Variants in PLCG2 observed in about 807,000 individuals in gnomAD.
The protein encoded by PLCG2 is phospholipase C gamma 2, also known as 1-phosphatidylinositol 4,5-bisphosphate phosphodiesterase gamma-2.
A neutral mutation model predicts 175.6 loss-of-function variants in PLCG2; 69 were observed. The observed-to-expected ratio is 0.39, with a 90% CI of 0.32 to 0.48. The LOEUF (loss-of-function observed/expected upper bound fraction) is 0.48, where lower values mean the gene tolerates loss of function less well. PLCG2 is among the 20% of genes least tolerant of loss of function. PLCG2 has a pLI of 0.91. For synonymous variants in PLCG2, 827 were observed against 624.0 expected (o/e 1.33, Z -4.85); for missense variants, 1,798 against 1,650.9 (o/e 1.09, Z -1.54).
intron 2 of PLCG2, among the ~76,000 whole-genome samples, chr16:81,825,299 T>TGTTTTG (rs539294682): frequency 0.01 from 1,486 of 147,488 alleles, 13 homozygotes; most frequent in Non-Finnish European, 0.016. Context: ...TTTTTTTTTT[T>TGTTTTG]TTTTTTTGAG....
intron 2 of PLCG2, among the ~76,000 whole-genome samples, chr16:81,836,903 G>C (rs933673167): frequency 6.6e-6 from 1 of 152,180 alleles, no homozygotes; most frequent in African/African-American, 2.4e-5. Flanking sequence ...CAGGACCCCT[G>C]CTGTGCACAC....
At chr16:81,845,442 T>G (rs1410579002) in intron 2 of PLCG2, among the ~76,000 whole-genome samples, 1 of 152,220 alleles carries the variant, frequency 6.6e-6, no homozygotes, top group Admixed American at 6.5e-5. Flanking sequence ...ATCACTCCTG[T>G]TGTTCACATG....
intron 31 of PLCG2, among the ~76,000 whole-genome samples, chr16:81,953,921 C>A (rs1014482135): frequency 6.6e-6 from 1 of 152,094 alleles, no homozygotes; most frequent in African/African-American, 2.4e-5. Context: ...ATAACAAATA[C>A]CCATTATATA....
At chr16:81,872,811 C>G (rs970569482) in intron 7 of PLCG2, among the ~76,000 whole-genome samples, 1 of 152,230 alleles carries the variant, frequency 6.6e-6, no homozygotes, top group South Asian at 2.1e-4. Context: ...GTCTTCTCCT[C>G]TGTGCAATGG....
In PLCG2 at chr16:81,849,791, A is replaced by C. The variant is rs375002722; in HGVS notation, c.194-4653A>C. On this transcript the variant is annotated intron_variant, in intron 2 of 32. Transcript: ENST00000564138. The stretch of plus-strand genomic sequence containing the variant: ...TGTCTCAAAAAAAAAAAAAAAAAAA[A>C]AAAAAACCAAAAAAATTCCCTCTTG... 5.7e-3 allele frequency among the ~76,000 whole-genome samples: 831 copies of C among 145,534 alleles called. 9 individuals carry two copies. The highest frequency in any genetic ancestry group is 0.015 in the African/African-American group (585 of 39,662).
intron 2 of PLCG2, among the ~76,000 whole-genome samples, chr16:81,760,755 A>AAAAT (rs202180155): frequency 0.13 from 10,802 of 82,502 alleles, 600 homozygotes; most frequent in Admixed American, 0.25. Flanking sequence ...TATTAAAAAA[A>AAAAT]AAAATAATAA....
In PLCG2 at chr16:81,883,292, C is replaced by T. The variant is rs751540065; in HGVS notation, c.716C>T (p.Ser239Phe). The change falls in exon 9 of 33, where the codon TCT becomes TTT. Residue 239 changes from serine (S) to phenylalanine (F), a missense_variant. Coordinates refer to ENST00000564138, the MANE Select transcript of PLCG2 (RefSeq NM_002661.5). Reference sequence around the variant, plus strand: ...AGGAACACTGACAGGCCGGATGCCTCTGCTGTTTACCTGCATGACTTCCAG... The same window carrying T: ...AGGAACACTGACAGGCCGGATGCCTTTGCTGTTTACCTGCATGACTTCCAG... ...ILGNTDRPDA[S>F]AVYLHDFQRF... 9 of 1,614,062 alleles carry T rather than the reference C, an allele frequency of 5.6e-6. 1 individual carries two copies. The South Asian group carries it at 7.7e-5, about 14-fold the overall frequency.
chr16:81,911,622 T>TAATC (rs1361055183), intron 18 of PLCG2, among the ~76,000 whole-genome samples: 5 of 150,930 alleles, frequency 3.3e-5, no homozygotes, highest in African/African-American at 1.2e-4. Context: ...ATTAATTAAT[T>TAATC]AATTTTGAGA....
chr16:81,849,485 G>A (rs1352002951), intron 2 of PLCG2, among the ~76,000 whole-genome samples: 4 of 152,140 alleles, frequency 2.6e-5, no homozygotes, highest in Admixed American at 6.5e-5. Flanking sequence ...TTGGCTGGGC[G>A]TGGTAGCTTA....
At chr16:81,819,564 G>A (rs964843915) in intron 2 of PLCG2, among the ~76,000 whole-genome samples, 1 of 152,126 alleles carries the variant, frequency 6.6e-6, no homozygotes, top group Non-Finnish European at 1.5e-5. Context: ...CTCTATCCCA[G>A]CTCAGTTATT....
rs1911817438 is a variant in PLCG2, at chr16:81,962,612, A to G, written c.*4614A>G. 2 of 223,378 alleles carry G rather than the reference A, an allele frequency of 9.0e-6. No individual in the cohort carries two copies. Among genetic ancestry groups the G allele is most frequent in the African/African-American group, 4.5e-5 (2 of 44,846 alleles). The allele number at this position is 223,378 out of a possible 1,614,324, so 13.8% of individuals were successfully genotyped here. On this transcript the variant is annotated 3_prime_UTR_variant, in exon 33 of 33. Coordinates refer to ENST00000564138, the MANE Select transcript of PLCG2 (RefSeq NM_002661.5). ...AGAATTAAGTGAATGAGTCACACAG[A>G]TGTTGGCTGTTGTTAATGTGAAAAT...
At chr16:81,918,108 C>G (rs1909917465) in intron 19 of PLCG2, among the ~76,000 whole-genome samples, 1 of 152,160 alleles carries the variant, frequency 6.6e-6, no homozygotes, top group Non-Finnish European at 1.5e-5. Flanking sequence ...GACCCCTTAC[C>G]AGATGTTCAG....
At chr16:81,824,253 C>T (rs1458105969) in intron 2 of PLCG2, among the ~76,000 whole-genome samples, 1 of 151,980 alleles carries the variant, frequency 6.6e-6, no homozygotes, top group Non-Finnish European at 1.5e-5. Context: ...CCTCCCTCAG[C>T]CTCCCAAGTA....
rs116282799 is a variant in PLCG2 at position 81,927,066 on chromosome 16, C to G, written c.2418-16C>G. 6.4e-7 allele frequency: 1 copy of G among 1,574,152 alleles called. No individual in the cohort carries two copies. Among genetic ancestry groups the G allele is most frequent in the Non-Finnish European group, 8.7e-7 (1 of 1,143,468 alleles). ...CACCTGGTGACAGCGCCCCCATGTC[C>G]TCTCTTCTTATCCAGGTGGAAAGGA... On this transcript the variant is annotated splice_polypyrimidine_tract_variant and intron_variant, in intron 22 of 32. Coordinates refer to ENST00000564138, the MANE Select transcript of PLCG2 (RefSeq NM_002661.5).
chr16:81,774,339 A>AC (rs1723596061), upstream of PLCG2, among the ~76,000 whole-genome samples: 1 of 151,820 alleles, frequency 6.6e-6, no homozygotes, highest in Non-Finnish European at 1.5e-5. Context: ...AGTAAAAAAA[A>AC]CAAAACAAAA....
chr16:81,813,020 T>A (rs1268538642), intron 2 of PLCG2, among the ~76,000 whole-genome samples: 2 of 152,216 alleles, frequency 1.3e-5, no homozygotes, highest in South Asian at 4.1e-4. Flanking sequence ...CTGTGTTCTG[T>A]TGCAATGGTC....
intron 27 of PLCG2, among the ~76,000 whole-genome samples, chr16:81,936,801 A>G (rs1000610885): frequency 2.0e-5 from 3 of 152,210 alleles, no homozygotes; most frequent in Non-Finnish European, 4.4e-5. Flanking sequence ...CGCATAAATC[A>G]CGGGGCTTTG....
chr16:81,937,914 C>T lies in PLCG2; in HGVS notation c.3198+11C>T, dbSNP rs777788157. 23 of 1,613,048 alleles carry T rather than the reference C, an allele frequency of 1.4e-5. No homozygotes were observed. Among genetic ancestry groups the T allele is most frequent in the Non-Finnish European group, 1.9e-5 (22 of 1,179,454 alleles). Reference sequence around the variant, plus strand: ...ACGCTGACAGTCAAGGTAAAGCCAGCCCTCCCTTCCTGCCAGGGGAGCCAG... The same window carrying T: ...ACGCTGACAGTCAAGGTAAAGCCAGTCCTCCCTTCCTGCCAGGGGAGCCAG... On this transcript the variant is annotated intron_variant, in intron 28 of 32. Transcript: ENST00000564138.
At chr16:81,838,945 A>G (rs1216879413) in intron 2 of PLCG2, among the ~76,000 whole-genome samples, 1 of 152,046 alleles carries the variant, frequency 6.6e-6, no homozygotes, top group East Asian at 1.9e-4. Context: ...CTCTGACCCC[A>G]TCAGTGAGTC....
Sources: allele counts gnomAD v4.1 joint callset (sites outside exome capture counted in the v4.1 genomes callset), GRCh38; gene constraint gnomAD v4.1.1; transcripts MANE v1.5; gene names NCBI Gene and HGNC (gene_info 2026-07-23, HGNC 2026-07-21).